The following PYROXD1 variants were observed in gnomAD, a reference collection of about 807,000 sequenced individuals.
The protein encoded by PYROXD1 is tRNA ligase complex-associated NAD(P)H dehydrogenase PYROXD1.
In PYROXD1, 42 loss-of-function variants were observed where a neutral mutation model predicts 62.0. That is an observed-to-expected ratio of 0.68 (90% confidence interval 0.53 to 0.88). PYROXD1 has a LOEUF of 0.88. Among genes scored for constraint, PYROXD1 ranks in the 40% least tolerant of loss-of-function variants. The pLI, the probability that PYROXD1 is intolerant of heterozygous loss-of-function variation, is 0.00. For missense variants in PYROXD1, 493 were observed against 604.8 expected (o/e 0.82, Z 1.94); for synonymous variants, 170 against 206.4 (o/e 0.82, Z 1.51).
At chr12:21,452,364 A>G (rs1489856623) in intron 5 of PYROXD1, among the ~76,000 whole-genome samples, 2 of 152,090 alleles carry the variant, frequency 1.3e-5, no homozygotes, top group African/African-American at 4.8e-5. Flanking sequence ...CCGTAATTGT[A>G]GAAATTTTAT....
At chr12:21,459,612 C>T (rs922074226) in intron 7 of PYROXD1, among the ~76,000 whole-genome samples, 5 of 152,182 alleles carry the variant, frequency 3.3e-5, no homozygotes, top group Non-Finnish European at 7.3e-5. Context: ...AAGTGGAAGA[C>T]AGTCTTGTGA....
chr12:21,457,059 C>G (rs959512265), intron 7 of PYROXD1: 1 of 309,258 alleles, frequency 3.2e-6, no homozygotes, highest in Non-Finnish European at 6.3e-6. Context: ...CCATTGAAAT[C>G]TTGAATCCCT....
At chr12:21,457,163 TAAC>T (rs74962202) in intron 7 of PYROXD1, 112,238 of 239,678 alleles carry the variant, frequency 0.47, 27,035 homozygotes, top group East Asian at 0.53. Context: ...ATGTTCTTAA[TAAC>T]ATCTAGAATG....
chr12:21,438,041 G>A (rs1259173092), intron 1 of PYROXD1: 3 of 574,730 alleles, frequency 5.2e-6, no homozygotes, highest in Non-Finnish European at 9.2e-6. Flanking sequence ...TTATAGCCGA[G>A]AAACCAAAGC....
intron 5 of PYROXD1, among the ~76,000 whole-genome samples, chr12:21,453,995 T>C (rs1368084739): frequency 6.6e-6 from 1 of 151,016 alleles, no homozygotes; most frequent in African/African-American, 2.4e-5. Flanking sequence ...TAACATAAAA[T>C]AGAATGTTCA....
In PYROXD1 at chr12:21,470,513, A is replaced by G; in HGVS notation, c.*1759A>G. 6.0e-6 allele frequency: 6 copies of G among 1,006,652 alleles called. No individual in the cohort carries two copies. Among genetic ancestry groups the G allele is most frequent in the Non-Finnish European group, 6.8e-6 (5 of 732,920 alleles). 62.4% of individuals were successfully genotyped at this position (1,006,652 alleles called of 1,614,324 possible). A position where few individuals can be genotyped will look rare whatever the true frequency, so the allele number is the denominator to read the frequency against. The stretch of plus-strand genomic sequence containing the variant: ...AAATTTCTATTCAAATATGAGCTCT[A>G]TTTTGAATAAAAGGGGCTACGTTGT... On this transcript the variant is annotated 3_prime_UTR_variant, in exon 12 of 12. Coordinates refer to ENST00000240651, the MANE Select transcript of PYROXD1 (RefSeq NM_024854.5).
In PYROXD1 at chr12:21,445,394, C is replaced by T. The variant is rs763308999; in HGVS notation, c.213C>T (p.Thr71=). The T allele has an allele frequency of 3.1e-6, 5 of 1,609,246 alleles. No individual in the cohort carries two copies. In the South Asian group the frequency reaches 5.6e-5, roughly 18 times the overall value. Residue 71 remains threonine (T), a synonymous_variant, in exon 3 of 12, where the codon ACC becomes ACT. Coordinates refer to ENST00000240651, the MANE Select transcript of PYROXD1 (RefSeq NM_024854.5). ...EEFDVEEQSS[T]MLGKRFPNIK... is the part of the protein sequence containing the mutation. Reference sequence around the variant, plus strand: ...TCGATGTTGAAGAACAATCAAGTACCATGTTAGGAAAACGCTTTCCCAACA... The same window carrying T: ...TCGATGTTGAAGAACAATCAAGTACTATGTTAGGAAAACGCTTTCCCAACA...
chr12:21,466,530 T>C (rs1295996587), intron 10 of PYROXD1, among the ~76,000 whole-genome samples: 2 of 152,356 alleles, frequency 1.3e-5, no homozygotes, highest in East Asian at 1.9e-4. Flanking sequence ...CCTGAGACTT[T>C]GCTGAAGTTG....
intron 4 of PYROXD1, among the ~76,000 whole-genome samples, chr12:21,450,422 T>A (rs943089408): frequency 6.6e-6 from 1 of 152,156 alleles, no homozygotes; most frequent in Non-Finnish European, 1.5e-5. Flanking sequence ...AAGATCTTTG[T>A]GGTACAAAAT....
intron 5 of PYROXD1, among the ~76,000 whole-genome samples, chr12:21,452,458 T>TTA (rs1165762491): frequency 6.6e-6 from 1 of 152,110 alleles, no homozygotes; most frequent in Non-Finnish European, 1.5e-5. Flanking sequence ...TATAAGTATA[T>TTA]TTTATGTTTA....
chr12:21,437,670 T>G lies in PYROXD1; in HGVS notation c.-61T>G. On this transcript the variant is annotated 5_prime_UTR_variant, in exon 1 of 12. Coordinates refer to ENST00000240651, the MANE Select transcript of PYROXD1 (RefSeq NM_024854.5). The stretch of plus-strand genomic sequence containing the variant: ...ACCGCCTCGCGGCTGCTTCCTCTCC[T>G]GGAGTCCAGAGTCCCGTTGCTCCGC... 1 of 1,529,734 alleles carries G rather than the reference T, an allele frequency of 6.5e-7. No homozygotes were observed. The highest frequency in any genetic ancestry group is 8.9e-7 in the Non-Finnish European group (1 of 1,121,160). The allele number at this position is 1,529,734 out of a possible 1,614,324, so 94.8% of individuals were successfully genotyped here. A position where few individuals can be genotyped will look rare whatever the true frequency, so the allele number is the denominator to read the frequency against.
intron 11 of PYROXD1, among the ~76,000 whole-genome samples, chr12:21,468,237 A>G (rs1419848645): frequency 6.6e-6 from 1 of 152,058 alleles, no homozygotes; most frequent in Non-Finnish European, 1.5e-5. Context: ...TATTCACTAG[A>G]TATTTTTAGT....
At chr12:21,451,821 C>T (rs1041338621) in intron 4 of PYROXD1, among the ~76,000 whole-genome samples, 3 of 152,034 alleles carry the variant, frequency 2.0e-5, no homozygotes, top group African/African-American at 7.3e-5. Flanking sequence ...TTCTGAAGTA[C>T]TGTAAATGTA....
rs530545177 is a variant in PYROXD1 at position 21,457,133 on chromosome 12, C to T, written c.750+1038C>T. On this transcript the variant is annotated intron_variant, in intron 7 of 11. Transcript: ENST00000240651. ...GCTTTTGTTAATGTTGATATTTTGA[C>T]TTACTCCCTTGAATCATGAATGTTC... The T allele has an allele frequency of 1.2e-3, 318 of 271,428 alleles. 1 individual carries two copies. Among genetic ancestry groups the T allele is most frequent in the Admixed American group, 1.9e-3 (36 of 18,816 alleles). 16.8% of individuals were successfully genotyped at this position (271,428 alleles called of 1,614,324 possible).
Position 21,437,685 on chromosome 12 carries a change from C to G in PYROXD1, c.-46C>G. On this transcript the variant is annotated 5_prime_UTR_variant, in exon 1 of 12. Transcript: ENST00000240651. The stretch of plus-strand genomic sequence containing the variant: ...CTTCCTCTCCTGGAGTCCAGAGTCC[C>G]GTTGCTCCGCCGCGATATTCAGTAA... 8.3e-6 allele frequency: 13 copies of G among 1,569,930 alleles called. No individual in the cohort carries two copies. Among genetic ancestry groups the G allele is most frequent in the Non-Finnish European group, 1.1e-5 (13 of 1,154,036 alleles).
At chr12:21,461,231 T>TA (rs1235749667) in intron 8 of PYROXD1, 77 bp downstream of exon 8, 1 of 908,484 alleles carries the variant, frequency 1.1e-6, no homozygotes, top group African/African-American at 1.7e-5. Context: ...TGTGTTCTAT[T>TA]AAAAATAACT....
At position 21,449,683 on chromosome 12, in the gene PYROXD1, A is replaced by G. The variant is rs1451328410; in HGVS notation, c.406A>G (p.Ser136Gly). The G allele has an allele frequency of 2.5e-6, 4 of 1,606,794 alleles. No individual in the cohort carries two copies. In the South Asian group the frequency reaches 4.5e-5, roughly 18 times the overall value. Residue 136 changes from serine (S) to glycine (G), a missense_variant, in exon 4 of 12, where the codon AGT becomes GGT. Physicochemically the swap from Ser to Gly is moderately conservative, Grantham distance 56 (BLOSUM62 0). This residue lies in a region of PYROXD1 where 329 missense variants were observed against 446.6 expected (regional missense o/e 0.74). Transcript: ENST00000240651. ...TGTATTAGGAATCCGTGATACAGACAGTGCTCAGGTAACATTTTAAGGTTG... is the reference window on the plus strand; with the variant it reads ...TGTATTAGGAATCCGTGATACAGACGGTGCTCAGGTAACATTTTAAGGTTG... ...PYVLGIRDTD[S>G]AQEFQKQLTK... is the part of the protein sequence containing the mutation.
Position 21,467,497 on chromosome 12 carries a change from A to ATCT in PYROXD1, c.1133_1134insTCT (p.Gln378delinsHisLeu), listed in dbSNP as rs1942819977. On this transcript the variant is annotated protein_altering_variant, in exon 11 of 12. Transcript: ENST00000240651. Reference sequence around the variant, plus strand: ...TCATTTCAGATGAGGCTGTGGACCCAGGCTAGACAGATGGGATGGTATGCA... The same window carrying ATCT: ...TCATTTCAGATGAGGCTGTGGACCCATCTGGCTAGACAGATGGGATGGTATGCA... 1 of 1,608,692 alleles carries ATCT rather than the reference A, an allele frequency of 6.2e-7. No homozygotes were observed. Among genetic ancestry groups the ATCT allele is most frequent in the South Asian group, 1.1e-5 (1 of 90,022 alleles).
chr12:21,462,802 T>C lies in PYROXD1; in HGVS notation c.1056T>C (p.Asp352=). The C allele has an allele frequency of 6.2e-7, 1 of 1,614,072 alleles. No homozygotes were observed. The highest frequency in any genetic ancestry group is 8.5e-7 in the Non-Finnish European group (1 of 1,179,968). The stretch of plus-strand genomic sequence containing the variant: ...ATCATATGCACACATCCCTTCCTGA[T>C]ATCTATGCTGCCGGTGACATCTGTA... ...VDDHMHTSLP[D]IYAAGDICTT... Residue 352 remains aspartate, a synonymous_variant, in exon 10 of 12, where the codon GAT becomes GAC. Transcript: ENST00000240651.
Sources: gnomAD v4.1 joint callset for allele counts (sites outside exome capture counted in the v4.1 genomes callset) on GRCh38, gnomAD v4.1.1 for gene constraint, gnomAD v4.1.1 regional missense constraint, MANE v1.5 for transcripts, NCBI Gene and HGNC (gene_info 2026-07-23, HGNC 2026-07-21) for gene names.